The following PARD6G variants were observed in gnomAD, a reference collection of about 807,000 sequenced individuals.
PARD6G encodes partitioning defective 6 homolog gamma.
PARD6G carries 7 observed loss-of-function variants against 10.7 expected under a neutral mutation model. The observed-to-expected ratio is 0.66, with a 90% CI of 0.37 to 1.23. The LOEUF (loss-of-function observed/expected upper bound fraction) is 1.23. Among genes scored for constraint, PARD6G ranks in the 50% most tolerant of loss-of-function variants. The probability of loss-of-function intolerance (pLI) is 0.02; values close to 1 mark genes in which losing one functional copy is unlikely to be tolerated. For synonymous variants in PARD6G, 287 were observed against 269.4 expected (o/e 1.07, Z -0.64); for missense variants, 548 against 571.8 (o/e 0.96, Z 0.42).
chr18:80,179,688 T>C (rs946514534), intron 2 of PARD6G, among the ~76,000 whole-genome samples: 12 of 152,208 alleles, frequency 7.9e-5, no homozygotes, highest in Non-Finnish European at 1.5e-4. Flanking sequence ...GCCTGTGCCT[T>C]CCGGGCAGCG....
intron 1 of PARD6G, among the ~76,000 whole-genome samples, chr18:80,233,655 T>G (rs1175970930): frequency 6.6e-6 from 1 of 152,078 alleles, no homozygotes; most frequent in East Asian, 1.9e-4. Flanking sequence ...CACCTAAAAA[T>G]GACAGCTGTA....
chr18:80,181,204 T>C lies in PARD6G; in HGVS notation c.296-20598A>G, dbSNP rs910558996. Among the ~76,000 whole-genome samples the C allele has an allele frequency of 1.3e-5, 2 of 152,096 alleles. No homozygotes were observed. The highest frequency in any genetic ancestry group is 2.9e-5 in the Non-Finnish European group (2 of 67,998). On this transcript the variant is annotated intron_variant, in intron 2 of 2. Transcript: ENST00000353265. The surrounding 1 kb of genome is among the most constrained non-coding windows in gnomAD (Gnocchi z 7.9). ...AGACAAGCCCTGCGTACACTGACCG[T>C]AGACTGGTGTGTGCACCAAGCATGC...
intron 1 of PARD6G, among the ~76,000 whole-genome samples, chr18:80,213,448 T>C (rs919357816): frequency 6.6e-6 from 1 of 152,170 alleles, no homozygotes; most frequent in Non-Finnish European, 1.5e-5. Context: ...CCAACAGATA[T>C]AGAGCCACTC....
chr18:80,217,899 A>G (rs11875635), intron 1 of PARD6G, among the ~76,000 whole-genome samples: 38,622 of 152,076 alleles, frequency 0.25, 5,620 homozygotes, highest in African/African-American at 0.4. Context: ...CCTTCTTCAC[A>G]TGGTGGCAGC....
chr18:80,226,693 T>A (rs1967296960), intron 1 of PARD6G, among the ~76,000 whole-genome samples: 1 of 152,102 alleles, frequency 6.6e-6, no homozygotes, highest in Non-Finnish European at 1.5e-5. Flanking sequence ...AAAGATTACA[T>A]CTGTTAATTA....
At chr18:80,211,282 T>C (rs1967105238) in intron 1 of PARD6G, among the ~76,000 whole-genome samples, 1 of 152,228 alleles carries the variant, frequency 6.6e-6, no homozygotes, top group Non-Finnish European at 1.5e-5. Flanking sequence ...CACTATGGTA[T>C]AGAGATCACT....
rs1272184425 is a variant in PARD6G at position 80,161,886 on chromosome 18, C to T, written c.296-1280G>A. 6.6e-6 allele frequency: 1 copy of T among 152,298 alleles called. No individual in the cohort carries two copies. Among genetic ancestry groups the T allele is most frequent in the African/African-American group, 2.4e-5 (1 of 41,458 alleles). The allele number at this position is 152,298 out of a possible 1,614,324, so 9.4% of individuals were successfully genotyped here. On this transcript the variant is annotated intron_variant, in intron 2 of 2. Coordinates refer to ENST00000353265, the MANE Select transcript of PARD6G (RefSeq NM_032510.4). This position sits in a 1 kb window ranked among gnomAD's most constrained non-coding sequence, Gnocchi z 4.6. ...AGTGAGCAGGCAGGGCCCATTATGA[C>T]TTGCTTTGGAGATGGGGAATGCTGG...
rs2052849254 is a variant in PARD6G, at chr18:80,181,662, C to CT, written c.295+21047dup. 6.6e-6 allele frequency among the ~76,000 whole-genome samples: 1 copy of CT among 152,100 alleles called. No individual in the cohort carries two copies. The highest frequency in any genetic ancestry group is 1.5e-5 in the Non-Finnish European group (1 of 68,002). On this transcript the variant is annotated intron_variant, in intron 2 of 2. Coordinates refer to ENST00000353265, the MANE Select transcript of PARD6G (RefSeq NM_032510.4). The surrounding 1 kb of genome is among the most constrained non-coding windows in gnomAD (Gnocchi z 7.9). ...TCAGCGACTGTGCCCCTGCCTCCTG[C>CT]TTGGGGAAGAGCTTCTCTCTGCTGC...
intron 2 of PARD6G, chr18:80,178,139 C>T (rs1568429793): frequency 6.0e-6 from 1 of 167,228 alleles, no homozygotes. Context: ...GATGGGGAGA[C>T]CTGGATTGCA....
At chr18:80,220,006 T>C (rs761109523) in intron 1 of PARD6G, among the ~76,000 whole-genome samples, 6 of 152,154 alleles carry the variant, frequency 3.9e-5, no homozygotes, top group Non-Finnish European at 7.3e-5. Context: ...CAATTTACTG[T>C]ATTAGTCTGT....
In PARD6G at chr18:80,159,962, G is replaced by C. The variant is rs1221719114; in HGVS notation, c.940C>G (p.Gln314Glu). The C allele has an allele frequency of 6.7e-7, 1 of 1,492,680 alleles. No individual in the cohort carries two copies. Among genetic ancestry groups the C allele is most frequent in the South Asian group, 1.4e-5 (1 of 73,296 alleles). The allele number at this position is 1,492,680 out of a possible 1,614,324, so 92.5% of individuals were successfully genotyped here. A position where few individuals can be genotyped will look rare whatever the true frequency, so the allele number is the denominator to read the frequency against. Reference sequence around the variant, plus strand: ...CTGCCTGCGGGCGCGCCCGGGGTCTGGGGGGGACGTGCAGGCTCCAGTGTG... The same window carrying C: ...CTGCCTGCGGGCGCGCCCGGGGTCTCGGGGGGACGTGCAGGCTCCAGTGTG... Reference protein sequence around the residue: ...EGTLEPARPPQTPGAPAGSLS... With the variant: ...EGTLEPARPPETPGAPAGSLS... The change falls in exon 3 of 3, where the codon CAG (glutamine) becomes GAG (glutamate). Residue 314 changes from glutamine to glutamate, a missense_variant. By Grantham distance (29) the Gln-to-Glu change is conservative. Transcript: ENST00000353265.
At chr18:80,229,044 T>C (rs1222271393) in intron 1 of PARD6G, among the ~76,000 whole-genome samples, 1 of 152,130 alleles carries the variant, frequency 6.6e-6, no homozygotes, top group African/African-American at 2.4e-5. Flanking sequence ...GTTCAAGCGA[T>C]TCTCCTGCCT....
chr18:80,237,854 C>G (rs1212038221), intron 1 of PARD6G, among the ~76,000 whole-genome samples: 12 of 152,096 alleles, frequency 7.9e-5, no homozygotes, highest in Non-Finnish European at 1.5e-5. Context: ...ACAACAGGTG[C>G]TGGAGAGGAT....
At chr18:80,233,941 T>A (rs1181092312) in intron 1 of PARD6G, among the ~76,000 whole-genome samples, 1 of 152,180 alleles carries the variant, frequency 6.6e-6, no homozygotes, top group Non-Finnish European at 1.5e-5. Context: ...CACAGTGCTC[T>A]GACGGCCCTC....
chr18:80,160,104 C>G lies in PARD6G; in HGVS notation c.798G>C (p.Ser266=). 1 of 1,608,144 alleles carries G rather than the reference C, an allele frequency of 6.2e-7. No individual in the cohort carries two copies. The highest frequency in any genetic ancestry group is 1.1e-5 in the South Asian group (1 of 90,504). Reference sequence around the variant, plus strand: ...CCGCGGTGCCGTCCGAGGGCGGTCCCGAGCTGCCCAACGCGCGGCCGCCGC... The same window carrying G: ...CCGCGGTGCCGTCCGAGGGCGGTCCGGAGCTGCCCAACGCGCGGCCGCCGC... ...VVRGGRALGS[S]GPPSDGTAGF... The change falls in exon 3 of 3, where the codon TCG becomes TCC. Residue 266 remains serine, a synonymous_variant. Coordinates refer to ENST00000353265, the MANE Select transcript of PARD6G (RefSeq NM_032510.4).
At chr18:80,167,310 G>C (rs754097220) in intron 2 of PARD6G, among the ~76,000 whole-genome samples, 9 of 147,496 alleles carry the variant, frequency 6.1e-5, no homozygotes, top group South Asian at 2.1e-4. Flanking sequence ...GTGTGGACCC[G>C]TGTGCAGGAT....
At chr18:80,213,962 A>AG (rs1367583930) in intron 1 of PARD6G, among the ~76,000 whole-genome samples, 1 of 151,568 alleles carries the variant, frequency 6.6e-6, no homozygotes, top group Non-Finnish European at 1.5e-5. Flanking sequence ...AAAAAAAAAA[A>AG]AGTTCAGTTT....
In PARD6G at chr18:80,160,204, G is replaced by A. The variant is rs772139500; in HGVS notation, c.698C>T (p.Thr233Met). 6.2e-7 allele frequency: 1 copy of A among 1,613,228 alleles called. No individual in the cohort carries two copies. Among genetic ancestry groups the A allele is most frequent in the South Asian group, 1.1e-5 (1 of 91,084 alleles). Reference sequence around the variant, plus strand: ...GTGGCTGTTGGCGATCATCATGTCCGTGACCTGGTCCAGCGTCTTCCCGGC... The same window carrying A: ...GTGGCTGTTGGCGATCATCATGTCCATGACCTGGTCCAGCGTCTTCCCGGC... Reference protein sequence around the residue: ...EVAGKTLDQVTDMMIANSHNL... With the variant: ...EVAGKTLDQVMDMMIANSHNL... The change falls in exon 3 of 3, where the codon ACG (threonine) becomes ATG (methionine). Residue 233 changes from threonine to methionine, a missense_variant. Transcript: ENST00000353265.
rs1282107208 is a variant in PARD6G at position 80,180,101 on chromosome 18, G to A, written c.296-19495C>T. On this transcript the variant is annotated intron_variant, in intron 2 of 2. Coordinates refer to ENST00000353265, the MANE Select transcript of PARD6G (RefSeq NM_032510.4). The surrounding 1 kb of genome is among the most constrained non-coding windows in gnomAD (Gnocchi z 5.6). ...GGAAAGGGGAAGCTGAATGTCCCGT[G>A]GAAAAGTGGCACAGAGGCCTGGCTG... Among the ~76,000 whole-genome samples, 1 of 152,236 alleles carries A rather than the reference G, an allele frequency of 6.6e-6. No individual in the cohort carries two copies. Among genetic ancestry groups the A allele is most frequent in the African/African-American group, 2.4e-5 (1 of 41,468 alleles).
Sources: allele counts gnomAD v4.1 joint callset (sites outside exome capture counted in the v4.1 genomes callset), GRCh38; gene constraint gnomAD v4.1.1; non-coding constraint Gnocchi (gnomAD v3.1); transcripts MANE v1.5; gene names NCBI Gene and HGNC (gene_info 2026-07-23, HGNC 2026-07-21).